Variants in CACUL1 observed in about 807,000 individuals in gnomAD.
The protein encoded by CACUL1 is CDK2-associated and cullin domain-containing protein 1.
In CACUL1, 13 loss-of-function variants were observed where a neutral mutation model predicts 45.2. The observed-to-expected ratio is 0.29, with a 90% confidence interval of 0.19 to 0.46. CACUL1 has a LOEUF of 0.46. CACUL1 is among the 20% of genes least tolerant of loss of function. CACUL1 has a pLI of 1.00. For missense variants in CACUL1, 421 were observed against 471.4 expected (o/e 0.89, Z 0.99); for synonymous variants, 197 against 174.2 (o/e 1.13, Z -1.03).
intron 1 of CACUL1, among the ~76,000 whole-genome samples, chr10:118,745,190 C>T (rs1339627537): frequency 6.6e-6 from 1 of 151,964 alleles, no homozygotes; most frequent in African/African-American, 2.4e-5. Context: ...CTAGAGTAAC[C>T]CCCAAAGAGC....
Position 118,682,376 on chromosome 10 carries a change from ATAAT to A in CACUL1, c.*3748_*3751del, listed in dbSNP as rs1845161732. On this transcript the variant is annotated 3_prime_UTR_variant, in exon 9 of 9. Transcript: ENST00000369151. ...TGCTTCTTGCATAATAATCACAAAA[ATAAT>A]TAACTGCTATAAAACGGGAAAAAAA... 1 of 152,280 alleles carries A rather than the reference ATAAT, an allele frequency of 6.6e-6. No individual in the cohort carries two copies. 9.4% of individuals were successfully genotyped at this position (152,280 alleles called of 1,614,324 possible).
rs183615229 is a variant in CACUL1, at chr10:118,750,732, C to T, written c.367+3664G>A. Among the ~76,000 whole-genome samples the T allele has an allele frequency of 7.9e-5, 12 of 152,330 alleles. No homozygotes were observed. In the East Asian group the frequency reaches 2.1e-3, roughly 27 times the overall value. On this transcript the variant is annotated intron_variant, in intron 1 of 8. Transcript: ENST00000369151. Reference sequence around the variant, plus strand: ...ACTGCTATTCCCACAAGCAAGTATACGTTTTCCTGTATTACCATATCCCCA... The same window carrying T: ...ACTGCTATTCCCACAAGCAAGTATATGTTTTCCTGTATTACCATATCCCCA...
intron 5 of CACUL1, among the ~76,000 whole-genome samples, chr10:118,700,569 T>A (rs1845368770): frequency 6.6e-6 from 1 of 151,892 alleles, no homozygotes; most frequent in Non-Finnish European, 1.5e-5. Flanking sequence ...TAGAAAAAAT[T>A]AACCAGGCAT....
intron 7 of CACUL1, among the ~76,000 whole-genome samples, chr10:118,688,691 A>G (rs17097964): frequency 0.042 from 6,401 of 152,298 alleles, 162 homozygotes; most frequent in African/African-American, 0.049. Flanking sequence ...TATCTTCTGT[A>G]GTGTTACCGT....
At chr10:118,687,759 T>C (rs1485552831) in intron 7 of CACUL1, among the ~76,000 whole-genome samples, 5 of 152,226 alleles carry the variant, frequency 3.3e-5, no homozygotes, top group Non-Finnish European at 7.3e-5. Context: ...CCTGGCTCAC[T>C]GGCTGTCCCT....
In CACUL1 at chr10:118,684,244, C is replaced by T. The variant is rs1055976449; in HGVS notation, c.*1884G>A. ...ATTAGGATACTGAAGAATTTCTCCA[C>T]ATTTAGAAACATTCCAATTTTATTC... On this transcript the variant is annotated 3_prime_UTR_variant, in exon 9 of 9. Transcript: ENST00000369151. 3.9e-5 allele frequency: 6 copies of T among 152,600 alleles called. No individual in the cohort carries two copies. The highest frequency in any genetic ancestry group is 5.9e-5 in the Non-Finnish European group (4 of 68,032). The allele number at this position is 152,600 out of a possible 1,614,324, so 9.5% of individuals were successfully genotyped here.
At position 118,683,065 on chromosome 10, in the gene CACUL1, G is replaced by C. The variant is rs1845169143; in HGVS notation, c.*3063C>G. On this transcript the variant is annotated 3_prime_UTR_variant, in exon 9 of 9. Transcript: ENST00000369151. ...TTAATTCCTGTCAGGTTAGGGTACAGGTGTGACAACAAAAGGTCACAAAAT... is the reference window on the plus strand; with the variant it reads ...TTAATTCCTGTCAGGTTAGGGTACACGTGTGACAACAAAAGGTCACAAAAT... 6.6e-6 allele frequency: 1 copy of C among 152,200 alleles called. No individual in the cohort carries two copies. Among genetic ancestry groups the C allele is most frequent in the African/African-American group, 2.4e-5 (1 of 41,442 alleles). 9.4% of individuals were successfully genotyped at this position (152,200 alleles called of 1,614,324 possible).
intron 3 of CACUL1, among the ~76,000 whole-genome samples, chr10:118,726,584 G>A (rs1271812226): frequency 6.6e-6 from 1 of 152,180 alleles, no homozygotes; most frequent in Non-Finnish European, 1.5e-5. Flanking sequence ...TGAGAGGAGT[G>A]CAGGAGTTCC....
At chr10:118,748,216 T>C (rs904909311) in intron 1 of CACUL1, among the ~76,000 whole-genome samples, 2 of 152,216 alleles carry the variant, frequency 1.3e-5, no homozygotes, top group African/African-American at 4.8e-5. Flanking sequence ...ACATGTCTTA[T>C]TGAGTATGCC....
rs1412382176 is a variant in CACUL1 at position 118,684,494 on chromosome 10, G to C, written c.*1634C>G. The C allele has an allele frequency of 6.6e-6, 1 of 152,206 alleles. No homozygotes were observed. The highest frequency in any genetic ancestry group is 1.5e-5 in the Non-Finnish European group (1 of 68,052). 9.4% of individuals were successfully genotyped at this position (152,206 alleles called of 1,614,324 possible). ...ATTCAGTGTTCATCGATGCAATCCAGGATGCTCACAGAGTGAATTGAGTCC... is the reference window on the plus strand; with the variant it reads ...ATTCAGTGTTCATCGATGCAATCCACGATGCTCACAGAGTGAATTGAGTCC... On this transcript the variant is annotated 3_prime_UTR_variant, in exon 9 of 9. Coordinates refer to ENST00000369151, the MANE Select transcript of CACUL1 (RefSeq NM_153810.5).
chr10:118,701,425 A>T lies in CACUL1; in HGVS notation c.694-17T>A. On this transcript the variant is annotated splice_polypyrimidine_tract_variant and intron_variant, in intron 4 of 8. Transcript: ENST00000369151. ...AAACTTATTCTGAAAAATAAAATAA[A>T]ATCTTTTTTTGTGTATTAATTGGGG... 7.0e-7 allele frequency: 1 copy of T among 1,438,438 alleles called. No individual in the cohort carries two copies. The highest frequency in any genetic ancestry group is 9.6e-7 in the Non-Finnish European group (1 of 1,046,244). 89.1% of individuals were successfully genotyped at this position (1,438,438 alleles called of 1,614,324 possible).
At chr10:118,697,630 T>G (rs1381352294) in intron 5 of CACUL1, among the ~76,000 whole-genome samples, 1 of 152,226 alleles carries the variant, frequency 6.6e-6, no homozygotes, top group Non-Finnish European at 1.5e-5. Context: ...AAGCAATTCA[T>G]AAAACTGAAA....
intron 1 of CACUL1, among the ~76,000 whole-genome samples, chr10:118,750,717 C>T (rs890983844): frequency 2.6e-5 from 4 of 152,172 alleles, no homozygotes; most frequent in South Asian, 2.1e-4. Context: ...ACTGCTATTC[C>T]CACAAGCAAG....
chr10:118,749,753 C>T (rs972684994), intron 1 of CACUL1, among the ~76,000 whole-genome samples: 1 of 152,136 alleles, frequency 6.6e-6, no homozygotes, highest in Admixed American at 6.5e-5. Flanking sequence ...GAGACAGGAA[C>T]GTCACTATGG....
Position 118,697,674 on chromosome 10 carries a change from T to G in CACUL1, c.797-2444A>C, listed in dbSNP as rs376928167. ...GGCTTCAAAAAATTTCAAACTACAATGGTTTGATCTAAAAGGCAGAACTGC... is the reference window on the plus strand; with the variant it reads ...GGCTTCAAAAAATTTCAAACTACAAGGGTTTGATCTAAAAGGCAGAACTGC... On this transcript the variant is annotated intron_variant, in intron 5 of 8. Coordinates refer to ENST00000369151, the MANE Select transcript of CACUL1 (RefSeq NM_153810.5). Among the ~76,000 whole-genome samples the G allele has an allele frequency of 2.6e-5, 4 of 152,212 alleles. No homozygotes were observed. In the South Asian group the frequency reaches 8.3e-4, roughly 31 times the overall value.
intron 3 of CACUL1, among the ~76,000 whole-genome samples, chr10:118,723,327 A>C (rs1193562178): frequency 6.6e-6 from 1 of 152,140 alleles, no homozygotes; most frequent in African/African-American, 2.4e-5. Context: ...TTTCCTGGAC[A>C]ATGCAAGGCT....
At chr10:118,746,175 T>C (rs1245461048) in intron 1 of CACUL1, among the ~76,000 whole-genome samples, 1 of 138,488 alleles carries the variant, frequency 7.2e-6, no homozygotes, top group Non-Finnish European at 1.6e-5. Context: ...AAGGAGTCTT[T>C]AGGGTAAGGA....
intron 1 of CACUL1, among the ~76,000 whole-genome samples, chr10:118,752,644 TA>T (rs1385671933): frequency 6.6e-6 from 1 of 152,238 alleles, no homozygotes; most frequent in Non-Finnish European, 1.5e-5. Context: ...ACAAGCCTCA[TA>T]AAATGAACTT....
intron 3 of CACUL1, chr10:118,726,318 T>C (rs1845651088): frequency 7.8e-7 from 1 of 1,288,352 alleles, no homozygotes; most frequent in South Asian, 1.2e-5. Flanking sequence ...CTGAAGCTAA[T>C]TATGCTACTC....
Sources: allele counts gnomAD v4.1 joint callset (sites outside exome capture counted in the v4.1 genomes callset), GRCh38; gene constraint gnomAD v4.1.1; transcripts MANE v1.5; gene names NCBI Gene and HGNC (gene_info 2026-07-23, HGNC 2026-07-21).